Variants in UGGT2 observed in about 807,000 individuals in gnomAD.
UGGT2 encodes the protein UDP-glucose glycoprotein glucosyltransferase 2.
UGGT2 carries 180 observed loss-of-function variants against 192.1 expected under a neutral mutation model. The observed-to-expected ratio is 0.94, with a 90% CI of 0.83 to 1.06. UGGT2 has a LOEUF of 1.06. Ranked by LOEUF, UGGT2 falls within the 50% of genes least tolerant of loss-of-function variation. The probability of loss-of-function intolerance (pLI) is 0.00; values close to 1 mark genes in which losing one functional copy is unlikely to be tolerated. For missense variants in UGGT2, 1,849 were observed against 1,795.7 expected (o/e 1.03, Z -0.54); for synonymous variants, 580 against 591.0 (o/e 0.98, Z 0.27).
chr13:96,046,273 G>A (rs1471908451), intron 1 of UGGT2, among the ~76,000 whole-genome samples: 1 of 152,100 alleles, frequency 6.6e-6, no homozygotes, highest in African/African-American at 2.4e-5. Flanking sequence ...GGGATACTTG[G>A]CAAGCCACAT....
intron 20 of UGGT2, among the ~76,000 whole-genome samples, chr13:95,921,273 A>C (rs9561984): frequency 2.0e-5 from 3 of 150,990 alleles, no homozygotes; most frequent in Non-Finnish European, 4.4e-5. Context: ...AATGGGATGA[A>C]CTGTGTAGCA....
intron 16 of UGGT2, among the ~76,000 whole-genome samples, chr13:95,939,238 G>A (rs901209588): frequency 6.6e-6 from 1 of 152,176 alleles, no homozygotes; most frequent in Non-Finnish European, 1.5e-5. Flanking sequence ...TGACTGGAAT[G>A]TTAATCTCTT....
At chr13:95,985,452 G>T (rs1426504335) in intron 9 of UGGT2, 1 of 291,116 alleles carries the variant, frequency 3.4e-6, no homozygotes, top group Non-Finnish European at 6.6e-6. Flanking sequence ...TACATATATT[G>T]AAGATTCTGT....
intron 10 of UGGT2, 64 bp from the exon 11 acceptor site, chr13:95,972,735 A>G (rs1298056472): frequency 7.9e-5 from 96 of 1,214,790 alleles, no homozygotes; most frequent in Non-Finnish European, 8.4e-6. Flanking sequence ...ATTAGGGGTC[A>G]CCATATTATT....
intron 37 of UGGT2, among the ~76,000 whole-genome samples, chr13:95,833,845 T>A (rs1313432516): frequency 6.6e-6 from 1 of 152,152 alleles, no homozygotes; most frequent in Non-Finnish European, 1.5e-5. Flanking sequence ...CTTCATCAAG[T>A]AATAAAGGAA....
chr13:95,979,689 TAA>T (rs2051054361), intron 10 of UGGT2, among the ~76,000 whole-genome samples: 1 of 151,810 alleles, frequency 6.6e-6, no homozygotes, highest in South Asian at 2.1e-4. Flanking sequence ...GACCTTAAAT[TAA>T]AAAGGACAGC....
chr13:96,043,307 A>C (rs893295565), intron 1 of UGGT2, among the ~76,000 whole-genome samples: 1 of 152,158 alleles, frequency 6.6e-6, no homozygotes, highest in Admixed American at 6.6e-5. Context: ...TTTTCCAGAC[A>C]AAAAAATGCT....
intron 9 of UGGT2, 52 bp from the exon 10 acceptor site, chr13:95,983,916 G>C (rs9562008): frequency 0.37 from 461,795 of 1,250,008 alleles, 87,154 homozygotes; most frequent in Middle Eastern, 0.42. Flanking sequence ...GTTTAGAACT[G>C]ATCTATATAA....
At chr13:95,854,233 C>T in intron 35 of UGGT2, 82 bp downstream of exon 35, 1 of 1,455,792 alleles carries the variant, frequency 6.9e-7, no homozygotes, top group East Asian at 2.3e-5. Context: ...TTTAAGAAAA[C>T]TGTGTAATTT....
chr13:95,888,015 T>C (rs1289017251), intron 25 of UGGT2, 44 bp from the exon 26 acceptor site: 7 of 1,248,964 alleles, frequency 5.6e-6, no homozygotes, highest in African/African-American at 1.5e-5. Context: ...ATAATATTAA[T>C]AGCTAATATT....
At position 96,013,317 on chromosome 13, in the gene UGGT2, T is replaced by G; in HGVS notation, c.650A>C (p.His217Pro). 1.9e-6 allele frequency: 3 copies of G among 1,591,436 alleles called. No individual in the cohort carries two copies. Among genetic ancestry groups the G allele is most frequent in the Non-Finnish European group, 2.6e-6 (3 of 1,174,234 alleles). Residue 217 changes from histidine to proline, a missense_variant, in exon 5 of 39, where the codon CAT (histidine) becomes CCT (proline). Coordinates refer to ENST00000376747, the MANE Select transcript of UGGT2 (RefSeq NM_020121.4). ...AAAACAAGCGCATACCTGAATATAA[T>G]GGCGAAGAACATACAGAATTTCCTC... ...QNEEILYVLR[H>P]YIQKPSSRKM... is the part of the protein sequence containing the mutation.
intron 38 of UGGT2, among the ~76,000 whole-genome samples, chr13:95,820,678 T>C (rs1285396914): frequency 1.3e-5 from 2 of 152,020 alleles, no homozygotes; most frequent in Non-Finnish European, 2.9e-5. Flanking sequence ...TAGCGGTGAA[T>C]TCTCAGATTT....
intron 7 of UGGT2, among the ~76,000 whole-genome samples, chr13:95,994,099 C>A (rs2051542902): frequency 2.0e-5 from 3 of 151,976 alleles, no homozygotes; most frequent in African/African-American, 7.2e-5. Flanking sequence ...AGCTAAAGGT[C>A]CAATATTATC....
At chr13:95,996,217 C>G (rs2051614632) in intron 6 of UGGT2, 82 bp from the exon 7 acceptor site, 36 of 1,324,174 alleles carry the variant, frequency 2.7e-5, no homozygotes, top group Non-Finnish European at 3.8e-5. Flanking sequence ...ATTAGAAGAA[C>G]TTGGCCAGGT....
At chr13:95,901,003 T>C in intron 21 of UGGT2, 65 bp from the exon 22 acceptor site, 1 of 1,159,300 alleles carries the variant, frequency 8.6e-7, no homozygotes, top group Non-Finnish European at 1.1e-6. Context: ...ATCATTTTGT[T>C]TAAAAAACTA....
At chr13:95,808,614 AT>A (rs1485933019) in intron 38 of UGGT2, among the ~76,000 whole-genome samples, 1 of 152,154 alleles carries the variant, frequency 6.6e-6, no homozygotes, top group Non-Finnish European at 1.5e-5. Flanking sequence ...TGTATTGCAA[AT>A]TCTTTGTGAA....
intron 10 of UGGT2, among the ~76,000 whole-genome samples, chr13:95,973,059 A>G (rs1018067260): frequency 1.3e-5 from 2 of 152,198 alleles, no homozygotes; most frequent in African/African-American, 4.8e-5. Flanking sequence ...AATCCCAGCT[A>G]CTTGGGAGGC....
chr13:95,834,298 G>A (rs1336614376), intron 37 of UGGT2, among the ~76,000 whole-genome samples: 1 of 152,038 alleles, frequency 6.6e-6, no homozygotes, highest in Non-Finnish European at 1.5e-5. Flanking sequence ...GGGTAATCAT[G>A]CCCCTCGGGG....
At chr13:95,927,470 C>CTTTTT (rs869027577) in intron 17 of UGGT2, 134 bp from the exon 18 acceptor site, 2 of 243,416 alleles carry the variant, frequency 8.2e-6, no homozygotes, top group South Asian at 6.7e-5. Flanking sequence ...CATTTTCTTT[C>CTTTTT]TTTTTTTTTT....
Sources: allele counts gnomAD v4.1 joint callset (sites outside exome capture counted in the v4.1 genomes callset), GRCh38; gene constraint gnomAD v4.1.1; transcripts MANE v1.5; gene names NCBI Gene and HGNC (gene_info 2026-07-23, HGNC 2026-07-21).